Variants in STAU2 observed in about 807,000 individuals in gnomAD.
STAU2 encodes double-stranded RNA-binding protein Staufen homolog 2.
STAU2 carries 20 observed loss-of-function variants against 65.9 expected under a neutral mutation model. The observed-to-expected ratio is 0.30, with a 90% CI of 0.21 to 0.44. STAU2 has a LOEUF of 0.44. STAU2 is among the 20% of genes least tolerant of loss of function. The probability of loss-of-function intolerance (pLI) is 1.00; values close to 1 mark genes in which losing one functional copy is unlikely to be tolerated. For missense variants in STAU2, 558 were observed against 683.9 expected, an observed-to-expected ratio of 0.82 and a Z score of 2.05; for synonymous variants, 232 against 233.9, an observed-to-expected ratio of 0.99 and a Z score of 0.07.
intron 4 of STAU2, among the ~76,000 whole-genome samples, chr8:73,707,163 T>C (rs10091513): frequency 0.28 from 41,980 of 151,990 alleles, 6,308 homozygotes; most frequent in East Asian, 0.45. Flanking sequence ...CAGCTGAGGG[T>C]ACCTACATAA....
intron 1 of STAU2, among the ~76,000 whole-genome samples, chr8:73,745,101 A>G (rs1026438751): frequency 3.3e-5 from 5 of 152,370 alleles, no homozygotes; most frequent in African/African-American, 9.6e-5. Context: ...AGCCTACCAT[A>G]TAATAAAATA....
chr8:73,518,709 C>T (rs2128927418), intron 13 of STAU2, among the ~76,000 whole-genome samples: 1 of 152,260 alleles, frequency 6.6e-6, no homozygotes, highest in South Asian at 2.1e-4. Context: ...CGTCCACAGT[C>T]TATTTTTAGT....
intron 13 of STAU2, among the ~76,000 whole-genome samples, chr8:73,477,105 G>A (rs974049873): frequency 6.6e-6 from 1 of 152,152 alleles, no homozygotes; most frequent in Non-Finnish European, 1.5e-5. Flanking sequence ...GGTGGGGGTG[G>A]AGTGGAAGAG....
intron 6 of STAU2, among the ~76,000 whole-genome samples, chr8:73,619,116 T>C (rs1377948379): frequency 3.3e-5 from 5 of 152,108 alleles, no homozygotes; most frequent in East Asian, 3.9e-4. Context: ...ATCATCAGTA[T>C]ATAGGTGGTA....
chr8:73,703,732 T>C lies in STAU2; in HGVS notation c.114+5300A>G, dbSNP rs561465818. 3.0e-4 allele frequency among the ~76,000 whole-genome samples: 46 copies of C among 152,268 alleles called. No homozygotes were observed. In the South Asian group the frequency reaches 9.1e-3, roughly 30 times the overall value. On this transcript the variant is annotated intron_variant, in intron 4 of 14. Transcript: ENST00000524300. ...AGTACATACCACTATATGATTACAT[T>C]TATATAGTTTTAGAAACTGCAAACT... is the stretch of plus-strand genomic sequence containing the variant.
At chr8:73,553,144 T>C (rs571620744) in intron 12 of STAU2, among the ~76,000 whole-genome samples, 5 of 152,232 alleles carry the variant, frequency 3.3e-5, no homozygotes, top group Non-Finnish European at 7.3e-5. Flanking sequence ...CCTTTGACTA[T>C]CATTTGTCTC....
At chr8:73,565,231 C>T (rs1399772555) in intron 12 of STAU2, among the ~76,000 whole-genome samples, 1 of 152,056 alleles carries the variant, frequency 6.6e-6, no homozygotes, top group Non-Finnish European at 1.5e-5. Flanking sequence ...GCAGACTTCC[C>T]CCTTGCTGTT....
At chr8:73,541,959 T>G (rs1340904833) in intron 13 of STAU2, among the ~76,000 whole-genome samples, 1 of 152,104 alleles carries the variant, frequency 6.6e-6, no homozygotes, top group Non-Finnish European at 1.5e-5. Context: ...ACAGGAGATT[T>G]AACACATGTG....
chr8:73,544,758 G>A (rs1029933722), intron 13 of STAU2, among the ~76,000 whole-genome samples: 3 of 152,148 alleles, frequency 2.0e-5, no homozygotes, highest in Non-Finnish European at 4.4e-5. Flanking sequence ...CATTTATTAT[G>A]TGGGGTAGGC....
At chr8:73,736,279 G>T (rs1563538583) in intron 3 of STAU2, among the ~76,000 whole-genome samples, 1 of 152,142 alleles carries the variant, frequency 6.6e-6, no homozygotes, top group South Asian at 2.1e-4. Context: ...TTGCTTTAGT[G>T]ACAACTCTAG....
At chr8:73,513,037 C>T (rs760069742) in intron 13 of STAU2, among the ~76,000 whole-genome samples, 4 of 152,236 alleles carry the variant, frequency 2.6e-5, no homozygotes, top group African/African-American at 7.2e-5. Context: ...GCTTCTGCTT[C>T]CATTCACTGC....
chr8:73,493,438 GA>G (rs1385203038), intron 13 of STAU2, among the ~76,000 whole-genome samples: 1 of 151,610 alleles, frequency 6.6e-6, no homozygotes, highest in Non-Finnish European at 1.5e-5. Flanking sequence ...ACTTAATAAT[GA>G]AAAGACAAAC....
chr8:73,676,347 T>C (rs1818026480), intron 5 of STAU2, among the ~76,000 whole-genome samples: 2 of 152,184 alleles, frequency 1.3e-5, no homozygotes. Context: ...ATTAAATGAA[T>C]GTCCATATAT....
At chr8:73,716,842 G>A (rs866293958) in intron 3 of STAU2, among the ~76,000 whole-genome samples, 4 of 152,144 alleles carry the variant, frequency 2.6e-5, no homozygotes, top group Admixed American at 6.5e-5. Flanking sequence ...GGTGGCTCAC[G>A]CCTGTAATCC....
At position 73,595,286 on chromosome 8, in the gene STAU2, G is replaced by T; in HGVS notation, c.1041C>A (p.Gly347=). The T allele has an allele frequency of 1.2e-6, 2 of 1,601,822 alleles. No individual in the cohort carries two copies. The highest frequency in any genetic ancestry group is 1.1e-5 in the South Asian group (1 of 88,150). ...RREFVMQVKV[G]NEVATGTGPN... ...GTCCTGTTCCTGTAGCAACTTCATT[G>T]CCTACCTTCACCTGATAAGATTAAA... is the stretch of plus-strand genomic sequence containing the variant. Residue 347 remains glycine, a synonymous_variant, in exon 11 of 15, where the codon GGC becomes GGA. Coordinates refer to ENST00000524300, the MANE Select transcript of STAU2 (RefSeq NM_001164380.2).
chr8:73,659,565 C>T (rs927467021), intron 6 of STAU2, among the ~76,000 whole-genome samples: 1 of 152,156 alleles, frequency 6.6e-6, no homozygotes, highest in African/African-American at 2.4e-5. Flanking sequence ...ATAATTTAAA[C>T]TGTCATTGTA....
rs182170981 is a variant in STAU2, at chr8:73,607,302, C to G, written c.892-3439G>C. On this transcript the variant is annotated intron_variant, in intron 9 of 14. Coordinates refer to ENST00000524300, the MANE Select transcript of STAU2 (RefSeq NM_001164380.2). The stretch of plus-strand genomic sequence containing the variant: ...GAGGACGTGATGGAAGAAGAGCATA[C>G]AGAGAGCTTCAAAGCTTATTGAGAA... Among the ~76,000 whole-genome samples the G allele has an allele frequency of 2.0e-5, 3 of 152,272 alleles. No individual in the cohort carries two copies. The East Asian group carries it at 5.8e-4, about 29-fold the overall frequency.
chr8:73,644,133 G>A (rs1010475610), intron 6 of STAU2, among the ~76,000 whole-genome samples: 2 of 152,064 alleles, frequency 1.3e-5, no homozygotes, highest in South Asian at 4.1e-4. Flanking sequence ...CAATAACAAA[G>A]ATAACAGGAA....
intron 9 of STAU2, among the ~76,000 whole-genome samples, chr8:73,611,731 G>A (rs1812480206): frequency 6.6e-6 from 1 of 151,494 alleles, no homozygotes. Flanking sequence ...AGGCTGGAGT[G>A]CAGTGGCAGT....
Sources: gnomAD v4.1 joint callset for allele counts (sites outside exome capture counted in the v4.1 genomes callset) on GRCh38, gnomAD v4.1.1 for gene constraint, MANE v1.5 for transcripts, NCBI Gene and HGNC (gene_info 2026-07-23, HGNC 2026-07-21) for gene names.